The following ZEB1 variants were observed in gnomAD, a reference collection of about 807,000 sequenced individuals.
ZEB1 encodes zinc finger E-box binding homeobox 1, also known as zinc finger E-box-binding homeobox 1.
Under a neutral mutation model 84.9 loss-of-function variants are expected in ZEB1, and 21 were observed. The ratio of observed to expected loss-of-function variants is 0.25; its 90% CI spans 0.18 to 0.36. The LOEUF (loss-of-function observed/expected upper bound fraction) is 0.36, where lower values mean the gene tolerates loss of function less well. Among genes scored for constraint, ZEB1 ranks in the 10% least tolerant of loss-of-function variants. The pLI is 1.00. For missense variants in ZEB1, 1,104 were observed against 1,330.2 expected, an observed-to-expected ratio of 0.83 and a Z score of 2.65; for synonymous variants, 420 against 471.1, an observed-to-expected ratio of 0.89 and a Z score of 1.41.
chr10:31,355,222 G>A (rs1301000968), intron 1 of ZEB1: 1 of 152,084 alleles, frequency 6.6e-6, no homozygotes, highest in Non-Finnish European at 1.5e-5. Context: ...GAGCCCTAAA[G>A]TCATACAGCA....
chr10:31,350,736 T>G (rs1026290576), intron 1 of ZEB1, among the ~76,000 whole-genome samples: 1 of 152,212 alleles, frequency 6.6e-6, no homozygotes, highest in Non-Finnish European at 1.5e-5. Flanking sequence ...GGGTTTTTTT[T>G]GGGTCTGTTT....
At chr10:31,411,052 G>T (rs1034550036) in intron 1 of ZEB1, among the ~76,000 whole-genome samples, 1 of 152,010 alleles carries the variant, frequency 6.6e-6, no homozygotes, top group Non-Finnish European at 1.5e-5. Context: ...GAATTTGTTT[G>T]CTCTTGCTTC....
intron 6 of ZEB1, 67 bp downstream of exon 6, chr10:31,514,775 A>C: frequency 3.9e-6 from 5 of 1,292,416 alleles, no homozygotes; most frequent in Non-Finnish European, 5.5e-6. Context: ...AAATATCATA[A>C]CATGTAATCT....
chr10:31,506,437 A>G (rs2068994966), intron 4 of ZEB1, among the ~76,000 whole-genome samples: 1 of 152,040 alleles, frequency 6.6e-6, no homozygotes, highest in African/African-American at 2.4e-5. Flanking sequence ...TTATATAGCC[A>G]GGTACTCCAG....
intron 1 of ZEB1, among the ~76,000 whole-genome samples, chr10:31,355,939 T>C (rs1396743635): frequency 5.3e-5 from 8 of 152,210 alleles, no homozygotes; most frequent in Middle Eastern, 6.8e-3. Context: ...ATAGAAGCAT[T>C]GTTGTTAGAT....
chr10:31,375,903 TATG>T (rs1019545471), intron 1 of ZEB1, among the ~76,000 whole-genome samples: 67 of 151,852 alleles, frequency 4.4e-4, no homozygotes, highest in African/African-American at 1.3e-3. Flanking sequence ...TGGCAGAAGT[TATG>T]AAGAAGTTAA....
intron 1 of ZEB1, chr10:31,363,159 C>T (rs1327705391): frequency 1.0e-5 from 16 of 1,533,880 alleles, no homozygotes; most frequent in Non-Finnish European, 1.2e-5. Flanking sequence ...GCTGCATGTC[C>T]TCCCCCACCA....
At chr10:31,408,155 G>C (rs1430506361) in intron 1 of ZEB1, among the ~76,000 whole-genome samples, 13 of 151,458 alleles carry the variant, frequency 8.6e-5, no homozygotes, top group South Asian at 4.2e-4. Context: ...TTGCTTCAAA[G>C]AGAATAAAAT....
rs530606881 is a variant in ZEB1 at position 31,344,411 on chromosome 10, GTATT to G, written c.58+25122_58+25125del. On this transcript the variant is annotated intron_variant, in intron 1 of 8. Coordinates refer to ENST00000424869, the MANE Select transcript of ZEB1 (RefSeq NM_001174096.2). ...CTTACATATAAATATACTTAAATAAGTATTTAAGATTTAATGTCAACTTTACAGT... is the reference window on the plus strand; with the variant it reads ...CTTACATATAAATATACTTAAATAAGTAAGATTTAATGTCAACTTTACAGT... Among the ~76,000 whole-genome samples the G allele has an allele frequency of 4.4e-3, 675 of 151,974 alleles. 6 individuals carry two copies. Among genetic ancestry groups the G allele is most frequent in the African/African-American group, 0.015 (635 of 41,470 alleles).
chr10:31,369,531 G>T (rs1473784065), intron 1 of ZEB1, among the ~76,000 whole-genome samples: 1 of 152,194 alleles, frequency 6.6e-6, no homozygotes, highest in Admixed American at 6.5e-5. Context: ...GCAAATGACA[G>T]AATTTTCCCC....
intron 1 of ZEB1, among the ~76,000 whole-genome samples, chr10:31,438,299 C>G (rs1054569718): frequency 6.6e-6 from 1 of 152,102 alleles, no homozygotes; most frequent in African/African-American, 2.4e-5. Context: ...GTTTTTCATA[C>G]TTTAAATAGA....
At chr10:31,372,182 G>A (rs922808428) in intron 1 of ZEB1, among the ~76,000 whole-genome samples, 4 of 151,980 alleles carry the variant, frequency 2.6e-5, no homozygotes, top group Non-Finnish European at 4.4e-5. Flanking sequence ...AAATAAGGAC[G>A]TGTTTTTCTT....
intron 5 of ZEB1, among the ~76,000 whole-genome samples, chr10:31,514,099 A>G (rs1254565345): frequency 1.3e-5 from 2 of 152,168 alleles, no homozygotes; most frequent in African/African-American, 4.8e-5. Flanking sequence ...ATTAAAGTAC[A>G]TTTTGGAAAT....
chr10:31,477,090 G>A (rs1219881132), intron 2 of ZEB1, among the ~76,000 whole-genome samples: 1 of 151,958 alleles, frequency 6.6e-6, no homozygotes, highest in African/African-American at 2.4e-5. Flanking sequence ...GAAACAAAAG[G>A]CATCCAGATT....
At chr10:31,515,601 G>A (rs1185969607) in intron 6 of ZEB1, among the ~76,000 whole-genome samples, 1 of 151,986 alleles carries the variant, frequency 6.6e-6, no homozygotes, top group Non-Finnish European at 1.5e-5. Context: ...GCTTTGTGAA[G>A]CATAGTTGAT....
chr10:31,508,724 C>T (rs909657534), intron 4 of ZEB1, among the ~76,000 whole-genome samples: 1 of 152,006 alleles, frequency 6.6e-6, no homozygotes, highest in Non-Finnish European at 1.5e-5. Context: ...GCAGAGTGCT[C>T]AGGTAAGGAC....
intron 1 of ZEB1, chr10:31,387,397 A>G: frequency 1.9e-5 from 12 of 642,076 alleles, no homozygotes; most frequent in South Asian, 6.9e-5. Flanking sequence ...TGTGGGTAGG[A>G]CATCACACAT....
At chr10:31,525,832 G>A (rs191850564) in intron 8 of ZEB1, among the ~76,000 whole-genome samples, 206 of 152,324 alleles carry the variant, frequency 1.4e-3, no homozygotes, top group African/African-American at 4.4e-3. Flanking sequence ...GGTTTTCAGA[G>A]ATCTAAGAAG....
chr10:31,503,007 GGCTGT>G, intron 4 of ZEB1, among the ~76,000 whole-genome samples: 1 of 152,260 alleles, frequency 6.6e-6, no homozygotes, highest in South Asian at 2.1e-4. Flanking sequence ...AGAAGAAATA[GGCTGT>G]GATACAGTTT....
Sources: gnomAD v4.1 joint callset for allele counts (sites outside exome capture counted in the v4.1 genomes callset) on GRCh38, gnomAD v4.1.1 for gene constraint, MANE v1.5 for transcripts, NCBI Gene and HGNC (gene_info 2026-07-23, HGNC 2026-07-21) for gene names.